Variants in SNX29 observed in about 807,000 individuals in gnomAD.
SNX29 encodes sorting nexin 29.
In SNX29, 78 loss-of-function variants were observed where a neutral mutation model predicts 102.1. The observed-to-expected ratio is 0.76, with a 90% CI of 0.64 to 0.92. The LOEUF is 0.92. Among genes scored for constraint, SNX29 ranks in the 40% least tolerant of loss-of-function variants. The pLI is 0.00. For missense variants in SNX29, 1,280 were observed against 1,061.7 expected (o/e 1.21, Z -2.86); for synonymous variants, 580 against 414.5 (o/e 1.40, Z -4.85).
At position 12,080,776 on chromosome 16, in the gene SNX29, C is replaced by T. The variant is rs2051831752; in HGVS notation, c.1402+1861C>T. On this transcript the variant is annotated intron_variant, in intron 11 of 20. Coordinates refer to ENST00000566228, the MANE Select transcript of SNX29 (RefSeq NM_032167.5). Reference sequence around the variant, plus strand: ...GCACGATCTCAGCTTACTGCAACCTCCACCTCCTGGGTTCAAGCGATTCTC... The same window carrying T: ...GCACGATCTCAGCTTACTGCAACCTTCACCTCCTGGGTTCAAGCGATTCTC... 1.3e-5 allele frequency among the ~76,000 whole-genome samples: 2 copies of T among 151,580 alleles called. 1 individual carries two copies. Among genetic ancestry groups the T allele is most frequent in the South Asian group, 4.2e-4 (2 of 4,810 alleles).
intron 19 of SNX29, among the ~76,000 whole-genome samples, chr16:12,523,271 AG>A (rs1377427372): frequency 1.3e-5 from 2 of 152,200 alleles, no homozygotes; most frequent in Non-Finnish European, 1.5e-5. Flanking sequence ...CTCCTGGGCG[AG>A]GTACCGAGGC....
intron 17 of SNX29, among the ~76,000 whole-genome samples, chr16:12,401,607 A>G (rs973356815): frequency 2.0e-5 from 3 of 151,642 alleles, no homozygotes; most frequent in East Asian, 1.9e-4. Flanking sequence ...CAGATGATCC[A>G]CCTTCCTCAG....
At chr16:12,174,943 AC>A (rs1244294905) in intron 13 of SNX29, among the ~76,000 whole-genome samples, 3 of 152,064 alleles carry the variant, frequency 2.0e-5, no homozygotes, top group African/African-American at 7.2e-5. Context: ...AAAAAAAACA[AC>A]CAATTATCTT....
At chr16:12,267,889 G>T (rs1414979231) in intron 14 of SNX29, among the ~76,000 whole-genome samples, 1 of 152,136 alleles carries the variant, frequency 6.6e-6, no homozygotes, top group Non-Finnish European at 1.5e-5. Flanking sequence ...ACCATAGCCT[G>T]CAAACCCTTA....
chr16:12,221,636 T>A (rs1034857867), intron 14 of SNX29, among the ~76,000 whole-genome samples: 3 of 152,076 alleles, frequency 2.0e-5, no homozygotes, highest in African/African-American at 7.2e-5. Flanking sequence ...AAAAAAAGGA[T>A]GAACAGATGG....
intron 14 of SNX29, among the ~76,000 whole-genome samples, chr16:12,261,813 C>T (rs553662719): frequency 3.1e-5 from 4 of 128,744 alleles, no homozygotes; most frequent in East Asian, 2.5e-4. Context: ...CACGTGTCCC[C>T]GGCTGGAGTA....
At chr16:12,289,367 G>A (rs565308155) in intron 15 of SNX29, among the ~76,000 whole-genome samples, 174 of 152,328 alleles carry the variant, frequency 1.1e-3, no homozygotes, top group African/African-American at 3.9e-3. Flanking sequence ...GCATGTTCAG[G>A]TGCAGGTCAC....
At chr16:12,091,900 C>A (rs544330434) in intron 11 of SNX29, among the ~76,000 whole-genome samples, 2 of 152,216 alleles carry the variant, frequency 1.3e-5, no homozygotes, top group East Asian at 1.9e-4. Flanking sequence ...CCGAATCTGT[C>A]GGTGCCTTGA....
intron 18 of SNX29, among the ~76,000 whole-genome samples, chr16:12,448,057 T>A (rs1232859127): frequency 6.6e-6 from 1 of 152,226 alleles, no homozygotes; most frequent in Non-Finnish European, 1.5e-5. Flanking sequence ...TGTGGATGTA[T>A]GAGGCCTGTG....
rs34239419 is a variant in SNX29, at chr16:12,086,009, CTTTTTTT to C, written c.1402+7108_1402+7114del. On this transcript the variant is annotated intron_variant, in intron 11 of 20. Coordinates refer to ENST00000566228, the MANE Select transcript of SNX29 (RefSeq NM_032167.5). ...TCCAAAACCTACACTCTTGCCAATT[CTTTTTTT>C]TTTTTTTTTTTTTGAGATGGAGTCT... 1.0e-4 allele frequency among the ~76,000 whole-genome samples: 12 copies of C among 117,378 alleles called. No homozygotes were observed. The East Asian group carries it at 1.2e-3, about 12-fold the overall frequency. 77.0% of individuals were successfully genotyped at this position (117,378 alleles called of 152,430 possible). A position where few individuals can be genotyped will look rare whatever the true frequency, so the allele number is the denominator to read the frequency against.
At chr16:12,328,242 A>G (rs978854272) in intron 15 of SNX29, among the ~76,000 whole-genome samples, 24 of 152,048 alleles carry the variant, frequency 1.6e-4, no homozygotes, top group African/African-American at 5.3e-4. Context: ...TTTTACTACT[A>G]CTGTTTGTAT....
chr16:12,077,907 C>A (rs1245620683), intron 10 of SNX29, among the ~76,000 whole-genome samples: 1 of 152,150 alleles, frequency 6.6e-6, no homozygotes, highest in Non-Finnish European at 1.5e-5. Flanking sequence ...AGGCATGAGC[C>A]ACCACACCTG....
In SNX29 at chr16:12,571,360, T is replaced by TC. The variant is rs1380856794; in HGVS notation, c.*2733dup. Reference sequence around the variant, plus strand: ...TTCTGAGGGCTAAGCCACGACCTTATCCATGAGTGGCGAAGACACCCCTGA... The same window carrying TC: ...TTCTGAGGGCTAAGCCACGACCTTATCCCATGAGTGGCGAAGACACCCCTGA... On this transcript the variant is annotated 3_prime_UTR_variant, in exon 21 of 21. Transcript: ENST00000566228. The TC allele has an allele frequency of 8.6e-6, 2 of 231,270 alleles. No homozygotes were observed. The highest frequency in any genetic ancestry group is 1.1e-4 in the Admixed American group (2 of 17,696). 14.3% of individuals were successfully genotyped at this position (231,270 alleles called of 1,614,324 possible).
chr16:12,013,157 G>A (rs1368805166), intron 3 of SNX29, among the ~76,000 whole-genome samples: 1 of 151,634 alleles, frequency 6.6e-6, no homozygotes, highest in African/African-American at 2.4e-5. Flanking sequence ...CAGATGTGGA[G>A]GTTGAGAAAT....
intron 15 of SNX29, among the ~76,000 whole-genome samples, chr16:12,306,705 T>C (rs1000165084): frequency 2.8e-4 from 42 of 152,232 alleles, no homozygotes; most frequent in African/African-American, 1.0e-3. Context: ...GGCATGGTCT[T>C]TGGGGATAAT....
intron 18 of SNX29, among the ~76,000 whole-genome samples, chr16:12,422,782 T>A (rs1180244508): frequency 6.6e-6 from 1 of 152,246 alleles, no homozygotes; most frequent in African/African-American, 2.4e-5. Flanking sequence ...CCAGCTCAGC[T>A]GCTTCCTTCA....
At chr16:12,276,183 C>T (rs181023344) in intron 14 of SNX29, among the ~76,000 whole-genome samples, 13 of 152,198 alleles carry the variant, frequency 8.5e-5, no homozygotes, top group South Asian at 6.2e-4. Flanking sequence ...TGTGAGCCAC[C>T]GCACCTGGCC....
intron 13 of SNX29, among the ~76,000 whole-genome samples, chr16:12,141,905 T>C (rs1333160853): frequency 6.6e-6 from 1 of 152,186 alleles, no homozygotes; most frequent in Admixed American, 6.5e-5. Flanking sequence ...CTAGGAATGC[T>C]TCACTTCCTG....
chr16:12,262,276 G>A (rs1028618939), intron 14 of SNX29, among the ~76,000 whole-genome samples: 3 of 152,214 alleles, frequency 2.0e-5, no homozygotes, highest in Non-Finnish European at 2.9e-5. Flanking sequence ...CCCTTGGTTT[G>A]ATAAATGAGG....
Sources: allele counts gnomAD v4.1 joint callset (sites outside exome capture counted in the v4.1 genomes callset), GRCh38; gene constraint gnomAD v4.1.1; transcripts MANE v1.5; gene names NCBI Gene and HGNC (gene_info 2026-07-23, HGNC 2026-07-21).